The following TMEM196 variants were observed in gnomAD, a reference collection of about 807,000 sequenced individuals.
TMEM196 encodes the protein transmembrane protein 196.
TMEM196 carries 17 observed loss-of-function variants against 20.0 expected under a neutral mutation model. The ratio of observed to expected loss-of-function variants is 0.85; its 90% confidence interval spans 0.58 to 1.27. TMEM196 has a LOEUF of 1.27. Ranked by LOEUF, TMEM196 falls within the 50% of genes most tolerant of loss-of-function variation. The probability of loss-of-function intolerance (pLI) is 0.00; values close to 1 mark genes in which losing one functional copy is unlikely to be tolerated. For missense variants in TMEM196, 267 were observed against 223.0 expected (o/e 1.20, Z -1.26); for synonymous variants, 113 against 88.9 (o/e 1.27, Z -1.52).
chr7:19,725,314 C>A (rs1783954541), intron 3 of TMEM196, among the ~76,000 whole-genome samples, 200 bp downstream of exon 3: 1 of 152,100 alleles, frequency 6.6e-6, no homozygotes, highest in African/African-American at 2.4e-5. Flanking sequence ...AATAGACAGA[C>A]TACAAAATGT....
intron 1 of TMEM196, among the ~76,000 whole-genome samples, chr7:19,745,332 A>G (rs188427873): frequency 2.0e-5 from 3 of 152,272 alleles, no homozygotes; most frequent in South Asian, 4.1e-4. Flanking sequence ...TTGGTTTCAC[A>G]TTAGCACTAA....
intron 1 of TMEM196, among the ~76,000 whole-genome samples, chr7:19,764,923 G>T (rs141877783): frequency 1.3e-5 from 2 of 152,102 alleles, no homozygotes; most frequent in Non-Finnish European, 2.9e-5. Context: ...AGGCCTCAGC[G>T]AAAGTTTTTC....
In TMEM196 at chr7:19,762,893, C is replaced by A. The variant is rs571077623; in HGVS notation, c.147+9657G>T. On this transcript the variant is annotated intron_variant, in intron 1 of 4. Transcript: ENST00000405844. ...ATGAATGTTCATCCAACATGCATAG[C>A]GGTTTCCGAAAGCTAGCCAGTTATG... is the stretch of plus-strand genomic sequence containing the variant. Among the ~76,000 whole-genome samples the A allele has an allele frequency of 3.3e-5, 5 of 152,284 alleles. No individual in the cohort carries two copies. In the East Asian group the frequency reaches 9.7e-4, roughly 29 times the overall value.
chr7:19,724,430 A>G (rs1783919826), intron 3 of TMEM196, 77 bp from the exon 4 acceptor site: 2 of 1,316,518 alleles, frequency 1.5e-6, no homozygotes, highest in Non-Finnish European at 2.1e-6. Context: ...AGTATAAAAT[A>G]AAGCACAAAA....
At chr7:19,736,702 C>T (rs1284268394) in intron 1 of TMEM196, among the ~76,000 whole-genome samples, 7 of 151,786 alleles carry the variant, frequency 4.6e-5, no homozygotes, top group African/African-American at 1.7e-4. Flanking sequence ...TTCTCCTTAA[C>T]TACTCTCACT....
At position 19,760,521 on chromosome 7, in the gene TMEM196, C is replaced by T. The variant is rs1229346093; in HGVS notation, c.147+12029G>A. 1.5e-4 allele frequency among the ~76,000 whole-genome samples: 23 copies of T among 151,660 alleles called. 1 individual carries two copies. Among genetic ancestry groups the T allele is most frequent in the Admixed American group, 1.4e-3 (21 of 15,212 alleles). On this transcript the variant is annotated intron_variant, in intron 1 of 4. Coordinates refer to ENST00000405844, the MANE Select transcript of TMEM196 (RefSeq NM_001363562.2). Reference sequence around the variant, plus strand: ...GATTACAGACATATGCCATCACGCCCGGCTAATTTTTGTATTTTTGGTAGA... The same window carrying T: ...GATTACAGACATATGCCATCACGCCTGGCTAATTTTTGTATTTTTGGTAGA...
chr7:19,735,317 C>T (rs1784357889), intron 1 of TMEM196, among the ~76,000 whole-genome samples: 1 of 152,060 alleles, frequency 6.6e-6, no homozygotes, highest in Non-Finnish European at 1.5e-5. Context: ...ATAAAGTCAA[C>T]AATAAGACTA....
At chr7:19,736,070 T>C (rs1375368173) in intron 1 of TMEM196, among the ~76,000 whole-genome samples, 1 of 151,942 alleles carries the variant, frequency 6.6e-6, no homozygotes, top group Non-Finnish European at 1.5e-5. Context: ...ATTTATCCTG[T>C]ACCTGGATTA....
Position 19,734,810 on chromosome 7 carries a change from G to A in TMEM196, c.148-5372C>T, listed in dbSNP as rs555581637. ...TTTTAAGCCACGAAATTTGCAGAAA[G>A]TTGTTACAGAAGCAACAGGAAACTA... On this transcript the variant is annotated intron_variant, in intron 1 of 4. Transcript: ENST00000405844. Among the ~76,000 whole-genome samples the A allele has an allele frequency of 2.0e-5, 3 of 152,196 alleles. No homozygotes were observed. The Middle Eastern group carries it at 0.01, about 518-fold the overall frequency.
At position 19,722,478 on chromosome 7, in the gene TMEM196, A is replaced by G. The variant is rs182407647; in HGVS notation, c.534-344T>C. On this transcript the variant is annotated intron_variant, in intron 4 of 4. Coordinates refer to ENST00000405844, the MANE Select transcript of TMEM196 (RefSeq NM_001363562.2). ...TTAAATGCGCAAGTTTTTCTAATGC[A>G]TAGACTCTGCTGAGCATGTCAACAA... Among the ~76,000 whole-genome samples, 276 of 152,254 alleles carry G rather than the reference A, an allele frequency of 1.8e-3. 1 individual carries two copies. Among genetic ancestry groups the G allele is most frequent in the Non-Finnish European group, 1.9e-3 (132 of 67,976 alleles).
At chr7:19,727,418 A>C (rs1000431906) in intron 2 of TMEM196, among the ~76,000 whole-genome samples, 2 of 152,160 alleles carry the variant, frequency 1.3e-5, no homozygotes, top group African/African-American at 4.8e-5. Context: ...AGCATTCCTT[A>C]TTGCATCTGT....
chr7:19,754,171 C>A (rs763197247), intron 1 of TMEM196, among the ~76,000 whole-genome samples: 20 of 152,138 alleles, frequency 1.3e-4, no homozygotes, highest in Non-Finnish European at 2.1e-4. Flanking sequence ...ACAGTTTCCT[C>A]TTTACTGAGA....
intron 1 of TMEM196, among the ~76,000 whole-genome samples, chr7:19,738,362 T>C (rs1034819140): frequency 2.0e-5 from 3 of 152,090 alleles, no homozygotes; most frequent in African/African-American, 7.2e-5. Flanking sequence ...TTAATATAGA[T>C]ACAGATGGTT....
intron 1 of TMEM196, among the ~76,000 whole-genome samples, chr7:19,740,972 T>C (rs185714749): frequency 1.4e-4 from 22 of 152,170 alleles, no homozygotes; most frequent in African/African-American, 5.3e-4. Flanking sequence ...CCACCTTCAA[T>C]AACTAACATA....
intron 1 of TMEM196, among the ~76,000 whole-genome samples, chr7:19,732,200 A>C (rs1241362428): frequency 2.0e-5 from 3 of 152,228 alleles, no homozygotes; most frequent in African/African-American, 7.2e-5. Flanking sequence ...CCAGAGAGTT[A>C]GTGACTTGCT....
In TMEM196 at chr7:19,725,695, A is replaced by G. The variant is rs1783976696; in HGVS notation, c.278T>C (p.Val93Ala). 1 of 1,613,826 alleles carries G rather than the reference A, an allele frequency of 6.2e-7. No homozygotes were observed. Among genetic ancestry groups the G allele is most frequent in the Middle Eastern group, 1.7e-4 (1 of 6,058 alleles). The change falls in exon 3 of 5, where the codon GTC becomes GCC. Residue 93 changes from valine to alanine, a missense_variant. Coordinates refer to ENST00000405844, the MANE Select transcript of TMEM196 (RefSeq NM_001363562.2). The part of the protein sequence containing the change: ...GILNFQFLRA[V>A]TKKTSSLYPL... ...GTATAGGGAGGAAGTTTTCTTTGTG[A>G]CTGCCCGGAGGAACTGAAAATTCAG...
intron 1 of TMEM196, among the ~76,000 whole-genome samples, chr7:19,746,718 T>C (rs1784766793): frequency 6.6e-6 from 1 of 152,246 alleles, no homozygotes; most frequent in Non-Finnish European, 1.5e-5. Context: ...TGGTTTGTAT[T>C]GCATAAAATT....
chr7:19,736,572 G>T (rs1378354226), intron 1 of TMEM196, among the ~76,000 whole-genome samples: 1 of 151,300 alleles, frequency 6.6e-6, no homozygotes, highest in South Asian at 2.1e-4. Context: ...ATCTTCCCAG[G>T]TGATTCTAGT....
At position 19,719,316 on chromosome 7, in the gene TMEM196, A is replaced by G. The variant is rs543303384; in HGVS notation, c.*2812T>C. 3.3e-5 allele frequency: 5 copies of G among 152,294 alleles called. No individual in the cohort carries two copies. Among genetic ancestry groups the G allele is most frequent in the African/African-American group, 1.2e-4 (5 of 41,582 alleles). 9.4% of individuals were successfully genotyped at this position (152,294 alleles called of 1,614,324 possible). On this transcript the variant is annotated 3_prime_UTR_variant, in exon 5 of 5. Transcript: ENST00000405844. Reference sequence around the variant, plus strand: ...TGAAAAGAAAGCCAACACCATATATAGTTTCAAAGCACATCATTTTATTAT... The same window carrying G: ...TGAAAAGAAAGCCAACACCATATATGGTTTCAAAGCACATCATTTTATTAT...
Sources: allele counts gnomAD v4.1 joint callset (sites outside exome capture counted in the v4.1 genomes callset), GRCh38; gene constraint gnomAD v4.1.1; transcripts MANE v1.5; gene names NCBI Gene and HGNC (gene_info 2026-07-23, HGNC 2026-07-21).